MYH7B: variants seen among roughly 807,000 people sequenced by gnomAD.
MYH7B encodes the protein myosin-7B.
A neutral mutation model predicts 234.5 loss-of-function variants in MYH7B; 205 were observed. The observed-to-expected ratio is 0.87, with a 90% CI of 0.78 to 0.98. The LOEUF (loss-of-function observed/expected upper bound fraction) is 0.98, where lower values mean the gene tolerates loss of function less well. Among genes scored for constraint, MYH7B ranks in the 50% least tolerant of loss-of-function variants. The pLI, the probability that MYH7B is intolerant of heterozygous loss-of-function variation, is 0.00. For missense variants in MYH7B, 2,652 were observed against 2,633.4 expected, an observed-to-expected ratio of 1.01 and a Z score of -0.15; for synonymous variants, 1,193 against 1,105.0, an observed-to-expected ratio of 1.08 and a Z score of -1.58.
intron 22 of MYH7B, 108 bp downstream of exon 22, chr20:34,990,418 C>T: frequency 2.5e-6 from 3 of 1,188,758 alleles, no homozygotes; most frequent in Non-Finnish European, 3.8e-6. Context: ...TTAAGACTTG[C>T]AGTGATGTTT....
intron 2 of MYH7B, among the ~76,000 whole-genome samples, chr20:34,965,871 T>G (rs757310139): frequency 3.3e-5 from 5 of 152,104 alleles, no homozygotes; most frequent in Non-Finnish European, 7.3e-5. Context: ...TGGAGTGATA[T>G]GAATGAGAGG....
rs763908485 is a variant in MYH7B at position 34,994,292 on chromosome 20, G to A, written c.2591G>A (p.Arg864Gln). Residue 864 changes from arginine (R) to glutamine (Q), a missense_variant, in exon 27 of 45, where the codon CGG (arginine) becomes CAG (glutamine). Physicochemically the swap from Arg to Gln is conservative, Grantham distance 43 (BLOSUM62 1). Transcript: ENST00000262873. ...CTGGCGGCCCTGCGGGCAGAGCTGC[G>A]GGGGTTGCGAGGGGCGCTGGCTGCG... 54 of 1,611,632 alleles carry A rather than the reference G, an allele frequency of 3.4e-5. 1 individual carries two copies. The highest frequency in any genetic ancestry group is 1.2e-4 in the South Asian group (11 of 91,010).
intron 38 of MYH7B, 55 bp from the exon 39 acceptor site, chr20:35,000,238 G>A (rs578022992): frequency 1.3e-6 from 2 of 1,506,140 alleles, no homozygotes; most frequent in Admixed American, 2.2e-5. Flanking sequence ...TTGGGCATTT[G>A]TAAGGACAGG....
chr20:34,988,240 C>G (rs1471875051), exon 19 of MYH7B: 2 of 1,613,804 alleles, frequency 1.2e-6, no homozygotes, highest in Non-Finnish European at 1.7e-6. Flanking sequence ...GACCTGCAGC[C>G]TTGCATCGAC....
chr20:34,998,197 C>T, intron 32 of MYH7B, 98 bp from the exon 33 acceptor site: 1 of 1,432,420 alleles, frequency 7.0e-7, no homozygotes, highest in Non-Finnish European at 9.6e-7. Context: ...GGGCCCACAT[C>T]TAGCTTACCA....
rs1223408903 is a variant in MYH7B, at chr20:34,990,071, G to A, written c.1825G>A (p.Val609Met). 23 of 1,614,188 alleles carry A rather than the reference G, an allele frequency of 1.4e-5. No homozygotes were observed. The highest frequency in any genetic ancestry group is 1.7e-5 in the Non-Finnish European group (20 of 1,180,032). ...AAACAAGGATCCCCTGAATGAGACCGTGGTCCCCATCTTCCAGAAGTCACA... is the reference window on the plus strand; with the variant it reads ...AAACAAGGATCCCCTGAATGAGACCATGGTCCCCATCTTCCAGAAGTCACA... Residue 609 changes from valine to methionine, a missense_variant, in exon 21 of 45, where the codon GTG (valine) becomes ATG (methionine). Around this residue, in one of 3 missense-constraint regions of MYH7B, gnomAD observed 2,279 missense variants for 2,211.4 expected, o/e 1.03. Transcript: ENST00000262873.
At chr20:34,963,093 G>A (rs1298797873) in intron 2 of MYH7B, among the ~76,000 whole-genome samples, 5 of 152,160 alleles carry the variant, frequency 3.3e-5, no homozygotes, top group African/African-American at 7.2e-5. Flanking sequence ...GCGAGACTCC[G>A]TCTCAAAAAA....
intron 2 of MYH7B, among the ~76,000 whole-genome samples, chr20:34,974,248 T>TTTC (rs946824488): frequency 6.7e-6 from 1 of 148,712 alleles, no homozygotes; most frequent in Non-Finnish European, 1.5e-5. Flanking sequence ...TTTTTTTTTT[T>TTTC]AAGTAGAAAC....
intron 3 of MYH7B, among the ~76,000 whole-genome samples, chr20:34,977,056 TCCCCC>T (rs1555891955): frequency 1.2e-5 from 1 of 83,336 alleles, no homozygotes; most frequent in Non-Finnish European, 2.5e-5. Flanking sequence ...CCCCTACCCC[TCCCCC>T]CTCTCTCTCT....
intron 32 of MYH7B, 148 bp from the exon 33 acceptor site, chr20:34,998,147 C>A: frequency 2.1e-6 from 2 of 968,388 alleles, no homozygotes; most frequent in Non-Finnish European, 3.1e-6. Context: ...ATCTCTTTCC[C>A]TGACTTTGAA....
exon 36 of MYH7B, chr20:34,999,362 T>G (rs1271925913): frequency 1.9e-6 from 3 of 1,543,642 alleles, no homozygotes; most frequent in East Asian, 4.7e-5. Context: ...AGGAGGCACT[T>G]GAAGCCCTGG....
exon 39 of MYH7B, chr20:35,000,454 C>A (rs750938864): frequency 8.7e-6 from 14 of 1,601,852 alleles, no homozygotes; most frequent in African/African-American, 1.3e-5. Flanking sequence ...GAGGCCCAGG[C>A]TGCCACGCGG....
chr20:34,976,744 A>G (rs1414952259), intron 3 of MYH7B, among the ~76,000 whole-genome samples: 2 of 152,338 alleles, frequency 1.3e-5, no homozygotes, highest in African/African-American at 4.8e-5. Flanking sequence ...GGGTCCCCAG[A>G]AAGAGGATGG....
At chr20:34,970,756 A>G (rs1260046272) in intron 2 of MYH7B, among the ~76,000 whole-genome samples, 2 of 152,140 alleles carry the variant, frequency 1.3e-5, no homozygotes, top group Non-Finnish European at 2.9e-5. Flanking sequence ...AGCTCAGCTC[A>G]GCTCGGCTCT....
intron 26 of MYH7B, among the ~76,000 whole-genome samples, chr20:34,993,712 A>G (rs2082200906): frequency 6.6e-6 from 1 of 152,216 alleles, no homozygotes; most frequent in South Asian, 2.1e-4. Context: ...GATGGCACCC[A>G]GTGTCTTCCA....
chr20:34,995,665 C>A, intron 28 of MYH7B, 87 bp downstream of exon 28: 1 of 1,556,018 alleles, frequency 6.4e-7, no homozygotes, highest in Non-Finnish European at 8.7e-7. Context: ...CCCGGCTCTG[C>A]TAAGCCTCTG....
At chr20:34,999,268 A>C (rs764251011) in exon 36 of MYH7B, 2 of 1,598,628 alleles carry the variant, frequency 1.3e-6, no homozygotes, top group Non-Finnish European at 1.7e-6. Context: ...CGGCAGGAGG[A>C]GGAGATGCAG....
At chr20:34,993,420 G>A in exon 26 of MYH7B, 1 of 1,612,544 alleles carries the variant, frequency 6.2e-7, no homozygotes, top group Non-Finnish European at 8.5e-7. Flanking sequence ...TGCAGGCGCG[G>A]AGCCGTGGCC....
rs1304025554 is a variant in MYH7B at position 34,999,989 on chromosome 20, C to G, written c.4781+83C>G. 6.1e-6 allele frequency: 8 copies of G among 1,309,876 alleles called. No individual in the cohort carries two copies. The East Asian group carries it at 1.5e-4, about 24-fold the overall frequency. The allele number at this position is 1,309,876 out of a possible 1,614,324, so 81.1% of individuals were successfully genotyped here. On this transcript the variant is annotated intron_variant, in intron 38 of 44. Coordinates refer to ENST00000262873, the Ensembl canonical transcript of MYH7B. ...GTGTACTCTGCTCTCTAGTCTGTCC[C>G]TCCCATGGGACTTTGAGGTCCGGGT...
Sources: gnomAD v4.1 joint callset for allele counts (sites outside exome capture counted in the v4.1 genomes callset) on GRCh38, gnomAD v4.1.1 for gene constraint, gnomAD v4.1.1 regional missense constraint, MANE v1.5 for transcripts, NCBI Gene and HGNC (gene_info 2026-07-23, HGNC 2026-07-21) for gene names.